Variants in TMC1 observed in about 807,000 individuals in gnomAD.
The protein encoded by TMC1 is transmembrane channel-like protein 1.
A neutral mutation model predicts 105.8 loss-of-function variants in TMC1; 84 were observed. The observed-to-expected ratio is 0.79, with a 90% confidence interval of 0.67 to 0.95. The LOEUF is 0.95. Ranked by LOEUF, TMC1 falls within the 40% of genes least tolerant of loss-of-function variation. The pLI is 0.00. For missense variants in TMC1, 817 were observed against 914.1 expected, an observed-to-expected ratio of 0.89 and a Z score of 1.37; for synonymous variants, 315 against 311.5, an observed-to-expected ratio of 1.01 and a Z score of -0.12.
intron 8 of TMC1, among the ~76,000 whole-genome samples, chr9:72,700,903 A>G (rs558790052): frequency 7.9e-5 from 12 of 151,786 alleles, no homozygotes; most frequent in African/African-American, 2.9e-4. Context: ...ATATATGTAT[A>G]TTTACATATA....
chr9:72,618,536 G>A (rs1472485661), intron 3 of TMC1, among the ~76,000 whole-genome samples: 5 of 151,544 alleles, frequency 3.3e-5, no homozygotes, highest in African/African-American at 7.3e-5. Context: ...CATCCCTATC[G>A]AGATAGAAAT....
At chr9:72,624,050 T>C (rs1252904943) in intron 3 of TMC1, among the ~76,000 whole-genome samples, 1 of 152,180 alleles carries the variant, frequency 6.6e-6, no homozygotes, top group Non-Finnish European at 1.5e-5. Context: ...CCAAGACAGA[T>C]GGTTCCGATA....
chr9:72,703,908 C>T (rs1307950632), intron 8 of TMC1, among the ~76,000 whole-genome samples: 5 of 152,304 alleles, frequency 3.3e-5, no homozygotes, highest in East Asian at 1.9e-4. Flanking sequence ...TTTCAGTCTC[C>T]GTGATGAAGT....
rs527865888 is a variant in TMC1 at position 72,575,706 on chromosome 9, A to G, written c.-427-2196A>G. On this transcript the variant is annotated intron_variant, in intron 1 of 23. Coordinates refer to ENST00000297784, the MANE Select transcript of TMC1 (RefSeq NM_138691.3). Reference sequence around the variant, plus strand: ...CAAAGAAGCCTCATATGAGAAGGACATGGGGTCACAGCAGCTTTTGGGGTG... The same window carrying G: ...CAAAGAAGCCTCATATGAGAAGGACGTGGGGTCACAGCAGCTTTTGGGGTG... Among the ~76,000 whole-genome samples the G allele has an allele frequency of 2.6e-5, 4 of 152,304 alleles. No individual in the cohort carries two copies. The East Asian group carries it at 7.7e-4, about 29-fold the overall frequency.
chr9:72,626,072 G>A (rs1825342327), intron 3 of TMC1, among the ~76,000 whole-genome samples: 1 of 152,118 alleles, frequency 6.6e-6, no homozygotes, highest in South Asian at 2.1e-4. Context: ...GAGATGGTTT[G>A]GAGTTCAAGC....
intron 1 of TMC1, among the ~76,000 whole-genome samples, chr9:72,537,836 C>G (rs989420468): frequency 1.8e-4 from 27 of 152,228 alleles, no homozygotes; most frequent in African/African-American, 6.3e-4. Flanking sequence ...TCTGCCTGAA[C>G]AGTTGAAGTC....
chr9:72,582,182 C>A (rs559982864), intron 2 of TMC1, among the ~76,000 whole-genome samples: 1 of 152,142 alleles, frequency 6.6e-6, no homozygotes, highest in Non-Finnish European at 1.5e-5. Flanking sequence ...GTCTCTAATT[C>A]CCGACCTCAG....
intron 18 of TMC1, among the ~76,000 whole-genome samples, chr9:72,806,561 A>C (rs966954074): frequency 2.1e-5 from 3 of 145,820 alleles, no homozygotes; most frequent in African/African-American, 7.7e-5. Context: ...GTTGCCGGGC[A>C]GAGGGTCTCC....
In TMC1 at chr9:72,717,172, G is replaced by T. The variant is rs116677938; in HGVS notation, c.362+16529G>T. Among the ~76,000 whole-genome samples the T allele has an allele frequency of 3.7e-3, 562 of 152,294 alleles. 6 individuals are homozygous for T. The highest frequency in any genetic ancestry group is 0.013 in the African/African-American group (538 of 41,550). ...ATCACCCACCTTCTGCATCGATCTT[G>T]CTGAGAGCTGCAGACTGGAGCTGTT... On this transcript the variant is annotated intron_variant, in intron 8 of 23. Coordinates refer to ENST00000297784, the MANE Select transcript of TMC1 (RefSeq NM_138691.3).
intron 5 of TMC1, among the ~76,000 whole-genome samples, chr9:72,671,820 ATAG>A (rs1476770411): frequency 2.0e-5 from 3 of 152,224 alleles, no homozygotes; most frequent in Non-Finnish European, 4.4e-5. Context: ...AATCATTTTA[ATAG>A]TATATTCAGT....
chr9:72,782,936 T>A (rs192274987), intron 13 of TMC1, among the ~76,000 whole-genome samples: 2 of 152,240 alleles, frequency 1.3e-5, no homozygotes, highest in African/African-American at 2.4e-5. Flanking sequence ...GAAGAAACTA[T>A]TTAACATTCA....
chr9:72,626,163 G>T (rs1825343748), intron 3 of TMC1, among the ~76,000 whole-genome samples: 1 of 152,200 alleles, frequency 6.6e-6, no homozygotes, highest in Non-Finnish European at 1.5e-5. Context: ...CCCAGTCACT[G>T]TCTGACCACA....
Position 72,820,980 on chromosome 9 carries a change from C to T in TMC1, c.1902C>T (p.Asn634=), listed in dbSNP as rs767285617. 1 of 1,614,144 alleles carries T rather than the reference C, an allele frequency of 6.2e-7. No homozygotes were observed. The highest frequency in any genetic ancestry group is 2.2e-5 in the East Asian group (1 of 44,870). The change falls in exon 20 of 24, where the codon AAC becomes AAT. Residue 634 remains asparagine, a synonymous_variant. Coordinates refer to ENST00000297784, the MANE Select transcript of TMC1 (RefSeq NM_138691.3). ...TCTTCAAAGCTTCCAGATCAAATAA[C>T]TTCTACCTGGGCATGCTACTGCTCA... is the stretch of plus-strand genomic sequence containing the variant. ...ARVFKASRSN[N]FYLGMLLLIL... is the part of the protein sequence containing the mutation.
At chr9:72,822,647 A>G (rs563153128) in intron 20 of TMC1, among the ~76,000 whole-genome samples, 1 of 152,234 alleles carries the variant, frequency 6.6e-6, no homozygotes, top group South Asian at 2.1e-4. Flanking sequence ...CATTCGTCTC[A>G]ATAAATTCCG....
intron 8 of TMC1, among the ~76,000 whole-genome samples, chr9:72,714,740 T>C (rs1252476574): frequency 2.0e-5 from 3 of 152,244 alleles, no homozygotes; most frequent in Non-Finnish European, 4.4e-5. Context: ...CTGTGTCTTT[T>C]AATTGGGGCA....
At chr9:72,530,275 C>A (rs1823477082) in intron 1 of TMC1, among the ~76,000 whole-genome samples, 1 of 152,024 alleles carries the variant, frequency 6.6e-6, no homozygotes, top group Admixed American at 6.6e-5. Flanking sequence ...CTCCCTGGTT[C>A]AAGTAATTAT....
intron 8 of TMC1, among the ~76,000 whole-genome samples, chr9:72,729,420 G>A (rs1827171154): frequency 6.6e-6 from 1 of 152,010 alleles, no homozygotes; most frequent in Non-Finnish European, 1.5e-5. Context: ...TTTATTTACT[G>A]CTTGTTTTCA....
At chr9:72,788,057 C>A (rs573374857) in intron 13 of TMC1, among the ~76,000 whole-genome samples, 1 of 152,206 alleles carries the variant, frequency 6.6e-6, no homozygotes, top group Non-Finnish European at 1.5e-5. Context: ...CTCAGTTAAA[C>A]AAAACACATA....
intron 8 of TMC1, among the ~76,000 whole-genome samples, chr9:72,707,562 T>A (rs545194438): frequency 6.6e-6 from 1 of 152,358 alleles, no homozygotes; most frequent in African/African-American, 2.4e-5. Flanking sequence ...TATCTTCTTT[T>A]GAAAATTGTC....
Sources: allele counts gnomAD v4.1 joint callset (sites outside exome capture counted in the v4.1 genomes callset), GRCh38; gene constraint gnomAD v4.1.1; transcripts MANE v1.5; gene names NCBI Gene and HGNC (gene_info 2026-07-23, HGNC 2026-07-21).